Variants in FAM234B observed in about 807,000 individuals in gnomAD.
The protein encoded by FAM234B is protein FAM234B.
FAM234B carries 33 observed loss-of-function variants against 69.3 expected under a neutral mutation model. The observed-to-expected ratio is 0.48, with a 90% CI of 0.36 to 0.64. The LOEUF is 0.64. Among genes scored for constraint, FAM234B ranks in the 30% least tolerant of loss-of-function variants. FAM234B has a pLI of 0.00. For missense variants in FAM234B, 697 were observed against 769.7 expected (o/e 0.91, Z 1.12); for synonymous variants, 306 against 306.9 (o/e 1.00, Z 0.03).
intron 5 of FAM234B, among the ~76,000 whole-genome samples, chr12:13,063,398 A>G (rs1313755852): frequency 6.6e-6 from 1 of 152,240 alleles, no homozygotes; most frequent in Non-Finnish European, 1.5e-5. Context: ...TGCTGTGTAT[A>G]TGTATTTTTA....
intron 1 of FAM234B, among the ~76,000 whole-genome samples, chr12:13,054,368 C>T (rs772690624): frequency 8.5e-5 from 13 of 152,148 alleles, no homozygotes; most frequent in Middle Eastern, 3.2e-3. Flanking sequence ...GTTCTTCTGC[C>T]GTGGTTCCAG....
At chr12:13,080,569 C>G (rs1865213699) in intron 12 of FAM234B, 56 bp from the exon 13 acceptor site, 2 of 1,462,804 alleles carry the variant, frequency 1.4e-6, no homozygotes, top group Non-Finnish European at 1.9e-6. Context: ...TCCTGCTTTT[C>G]TTTGAACATC....
In FAM234B at chr12:13,080,007, G is replaced by A. The variant is rs148007869; in HGVS notation, c.1861G>A (p.Glu621Lys). ...GATAAAGTTTGTTGAAGCTCCCTAC[G>A]AGGTGAGTGGCTGCAGAAATATTGT... The part of the protein sequence containing the change: ...SRIKFVEAPY[E>K]I Residue 621 changes from glutamate to lysine, a missense_variant and splice_region_variant, in exon 12 of 13, where the codon GAG becomes AAG. This residue lies in a region of FAM234B where 313 missense variants were observed against 305.5 expected (regional missense o/e 1.02). Coordinates refer to ENST00000197268, the MANE Select transcript of FAM234B (RefSeq NM_020853.2). 8.2e-6 allele frequency: 13 copies of A among 1,583,510 alleles called. No homozygotes were observed. Among genetic ancestry groups the A allele is most frequent in the African/African-American group, 6.8e-5 (5 of 73,784 alleles).
Position 13,055,511 on chromosome 12 carries a change from C to T in FAM234B, c.38-40C>T, listed in dbSNP as rs373296946. ...CATATATTTGGTGAGGGTGTCTTCTCCCCAGTTCCCCTTGACTCTCTGTTT... is the reference window on the plus strand; with the variant it reads ...CATATATTTGGTGAGGGTGTCTTCTTCCCAGTTCCCCTTGACTCTCTGTTT... On this transcript the variant is annotated intron_variant, in intron 1 of 12. Transcript: ENST00000197268. 1.9e-5 allele frequency: 29 copies of T among 1,532,532 alleles called. No homozygotes were observed. In the African/African-American group the frequency reaches 3.7e-4, roughly 20 times the overall value. The allele number at this position is 1,532,532 out of a possible 1,614,324, so 94.9% of individuals were successfully genotyped here.
rs1865044010 is a variant in FAM234B, at chr12:13,066,808, T to C, written c.1000+21T>C. 31 of 1,606,394 alleles carry C rather than the reference T, an allele frequency of 1.9e-5. No homozygotes were observed. The East Asian group carries it at 6.5e-4, about 34-fold the overall frequency. The stretch of plus-strand genomic sequence containing the variant: ...CTTTGGTAAGAAGCAAGGCTAGTTT[T>C]TGCTCCTGTTCCCCACTGGCATTTG... On this transcript the variant is annotated intron_variant, in intron 6 of 12. Coordinates refer to ENST00000197268, the MANE Select transcript of FAM234B (RefSeq NM_020853.2).
In FAM234B at chr12:13,076,121, C is replaced by T. The variant is rs777786623; in HGVS notation, c.1620C>T (p.Thr540=). 1.7e-5 allele frequency: 27 copies of T among 1,613,882 alleles called. No individual in the cohort carries two copies. In the Middle Eastern group the frequency reaches 8.3e-4, roughly 49 times the overall value. ...TCCTTCTGGATCTGGCCAACACCAC[C>T]GGCACAGTGACGGCTTCAGAGGGTG... The part of the protein sequence containing the change: ...PSILLDLANT[T]GTVTASEVGI... The change falls in exon 11 of 13, where the codon ACC becomes ACT. Residue 540 remains threonine (T), a synonymous_variant. Coordinates refer to ENST00000197268, the MANE Select transcript of FAM234B (RefSeq NM_020853.2).
intron 12 of FAM234B, 104 bp downstream of exon 12, chr12:13,080,113 T>A: frequency 2.6e-6 from 2 of 783,974 alleles, no homozygotes; most frequent in Non-Finnish European, 2.0e-6. Context: ...CTTTCTTGAG[T>A]AGATGTGTAT....
chr12:13,054,003 G>T (rs191551075), intron 1 of FAM234B, among the ~76,000 whole-genome samples: 2 of 152,256 alleles, frequency 1.3e-5, no homozygotes, highest in Non-Finnish European at 2.9e-5. Flanking sequence ...TATTCTACCC[G>T]ACCCCGCAGG....
Position 13,055,498 on chromosome 12 carries a change from G to A in FAM234B, c.38-53G>A. ...TATTTACAGTTGCCATATATTTGGT[G>A]AGGGTGTCTTCTCCCCAGTTCCCCT... is the stretch of plus-strand genomic sequence containing the variant. On this transcript the variant is annotated intron_variant, in intron 1 of 12. Coordinates refer to ENST00000197268, the MANE Select transcript of FAM234B (RefSeq NM_020853.2). 4 of 1,476,788 alleles carry A rather than the reference G, an allele frequency of 2.7e-6. No homozygotes were observed. The South Asian group carries it at 5.7e-5, about 21-fold the overall frequency. The allele number at this position is 1,476,788 out of a possible 1,614,324, so 91.5% of individuals were successfully genotyped here.
intron 10 of FAM234B, among the ~76,000 whole-genome samples, chr12:13,074,073 G>A (rs532478143): frequency 6.6e-6 from 1 of 152,260 alleles, no homozygotes; most frequent in Admixed American, 6.5e-5. Context: ...TTTGATAGGG[G>A]CTGTTTTCAA....
In FAM234B at chr12:13,059,452, T is replaced by C. The variant is rs550905119; in HGVS notation, c.532+903T>C. On this transcript the variant is annotated intron_variant, in intron 3 of 12. Transcript: ENST00000197268. ...GGGTGCTGTTTCTGGGATCCCAGCTTTTACACATGTCAGCTGTAGAAAAAG... is the reference window on the plus strand; with the variant it reads ...GGGTGCTGTTTCTGGGATCCCAGCTCTTACACATGTCAGCTGTAGAAAAAG... Among the ~76,000 whole-genome samples, 28 of 152,338 alleles carry C rather than the reference T, an allele frequency of 1.8e-4. 1 individual carries two copies. The highest frequency in any genetic ancestry group is 6.7e-4 in the African/African-American group (28 of 41,572).
At chr12:13,071,503 T>A (rs1865106807) in intron 10 of FAM234B, 107 bp downstream of exon 10, 10 of 1,075,408 alleles carry the variant, frequency 9.3e-6, no homozygotes, top group South Asian at 6.0e-5. Flanking sequence ...TTCCAAGGGG[T>A]TGGAATAGAA....
chr12:13,063,607 C>A (rs1299298013), intron 5 of FAM234B, among the ~76,000 whole-genome samples: 1 of 152,130 alleles, frequency 6.6e-6, no homozygotes, highest in African/African-American at 2.4e-5. Flanking sequence ...GAATTATGGT[C>A]CTAAATTATG....
At chr12:13,076,690 A>G (rs1865166488) in intron 11 of FAM234B, among the ~76,000 whole-genome samples, 2 of 152,244 alleles carry the variant, frequency 1.3e-5, no homozygotes, top group East Asian at 3.8e-4. Context: ...ACTCATAACC[A>G]CTATTAGCAT....
chr12:13,066,660 G>A lies in FAM234B; in HGVS notation c.873G>A (p.Leu291=). 6.2e-7 allele frequency: 1 copy of A among 1,613,416 alleles called. No individual in the cohort carries two copies. Among genetic ancestry groups the A allele is most frequent in the Non-Finnish European group, 8.5e-7 (1 of 1,179,648 alleles). ...GELQPDLCFL[L]VSGRTGNPVG... is the part of the protein sequence containing the mutation. Reference sequence around the variant, plus strand: ...CTCAGCCAGATCTGTGCTTTCTGCTGGTGTCTGGCCGGACCGGAAATCCAG... The same window carrying A: ...CTCAGCCAGATCTGTGCTTTCTGCTAGTGTCTGGCCGGACCGGAAATCCAG... The change falls in exon 6 of 13, where the codon CTG becomes CTA. Residue 291 remains leucine (L), a synonymous_variant. Coordinates refer to ENST00000197268, the MANE Select transcript of FAM234B (RefSeq NM_020853.2).
chr12:13,082,534 G>A lies in FAM234B; in HGVS notation c.*1904G>A, dbSNP rs1345537897. The A allele has an allele frequency of 6.6e-6, 1 of 152,190 alleles. No individual in the cohort carries two copies. The highest frequency in any genetic ancestry group is 1.9e-4 in the East Asian group (1 of 5,200). The allele number at this position is 152,190 out of a possible 1,614,324, so 9.4% of individuals were successfully genotyped here. A position where few individuals can be genotyped will look rare whatever the true frequency, so the allele number is the denominator to read the frequency against. On this transcript the variant is annotated 3_prime_UTR_variant, in exon 13 of 13. Coordinates refer to ENST00000197268, the MANE Select transcript of FAM234B (RefSeq NM_020853.2). Reference sequence around the variant, plus strand: ...CAGCTTGACTTTGGAGGAATAAGAAGATACTTCTAGAGTATGGGAATGATT... The same window carrying A: ...CAGCTTGACTTTGGAGGAATAAGAAAATACTTCTAGAGTATGGGAATGATT...
intron 9 of FAM234B, among the ~76,000 whole-genome samples, chr12:13,070,653 G>A (rs1865095812): frequency 6.6e-6 from 1 of 152,160 alleles, no homozygotes; most frequent in African/African-American, 2.4e-5. Flanking sequence ...GACAAATGCA[G>A]CTAAGCAATG....
intron 9 of FAM234B, 110 bp downstream of exon 9, chr12:13,068,821 A>G (rs1347477007): frequency 3.0e-6 from 2 of 667,896 alleles, no homozygotes; most frequent in East Asian, 5.4e-5. Context: ...TATGATCTCT[A>G]ACTTCAAAGA....
intron 11 of FAM234B, among the ~76,000 whole-genome samples, chr12:13,078,883 TAAAAG>T: frequency 6.6e-6 from 1 of 151,588 alleles, no homozygotes; most frequent in South Asian, 2.1e-4. Context: ...CTCAAGGAAA[TAAAAG>T]AGGATACAAA....
Sources: allele counts gnomAD v4.1 joint callset (sites outside exome capture counted in the v4.1 genomes callset), GRCh38; gene constraint gnomAD v4.1.1; regional missense constraint gnomAD v4.1.1; transcripts MANE v1.5; gene names NCBI Gene and HGNC (gene_info 2026-07-23, HGNC 2026-07-21).